TFPI: variants seen among roughly 807,000 people sequenced by gnomAD.
The protein encoded by TFPI is anti-convertin.
In TFPI, 15 loss-of-function variants were observed where a neutral mutation model predicts 34.6. The observed-to-expected ratio is 0.43, with a 90% CI of 0.29 to 0.67. The LOEUF (loss-of-function observed/expected upper bound fraction) is 0.67. Ranked by LOEUF, TFPI falls within the 30% of genes least tolerant of loss-of-function variation. The pLI, the probability that TFPI is intolerant of heterozygous loss-of-function variation, is 0.15. For synonymous variants in TFPI, 105 were observed against 120.1 expected, an observed-to-expected ratio of 0.87 and a Z score of 0.82; for missense variants, 301 against 364.0, an observed-to-expected ratio of 0.83 and a Z score of 1.41.
At chr2:187,496,751 T>A (rs1016916996) in intron 3 of TFPI, 130 bp downstream of exon 3, 94 of 832,578 alleles carry the variant, frequency 1.1e-4, no homozygotes, top group Non-Finnish European at 1.6e-4. Context: ...AGTCTAAAAA[T>A]GTGGAAATAA....
At chr2:187,536,557 A>G (rs1232121251) in intron 1 of TFPI, among the ~76,000 whole-genome samples, 1 of 152,208 alleles carries the variant, frequency 6.6e-6, no homozygotes, top group Non-Finnish European at 1.5e-5. Context: ...AAAACTCTCA[A>G]TAAACTTGGT....
intron 3 of TFPI, 68 bp from the exon 4 acceptor site, chr2:187,488,443 TAACA>T: frequency 9.5e-7 from 1 of 1,052,980 alleles, no homozygotes; most frequent in Non-Finnish European, 1.3e-6. Flanking sequence ...AATTTGAATT[TAACA>T]AACAAGAGTG....
Position 187,467,925 on chromosome 2 carries a change from G to C in TFPI, c.636C>G (p.His212Gln), listed in dbSNP as rs1026019163. The C allele has an allele frequency of 1.3e-6, 2 of 1,565,018 alleles. No homozygotes were observed. Among genetic ancestry groups the C allele is most frequent in the East Asian group, 2.3e-5 (1 of 43,748 alleles). ...CTGGAGTGAGACACCATGAGGGACC[G>C]TGAAATTCTAAAAACAATCAGGAAA... The part of the protein sequence containing the change: ...STKVPSLFEF[H>Q]GPSWCLTPAD... Residue 212 changes from histidine to glutamine, a missense_variant, in exon 7 of 8, where the codon CAC (histidine) becomes CAG (glutamine). By Grantham distance (24) the His-to-Gln change is conservative (BLOSUM62 0). Transcript: ENST00000233156.
At chr2:187,472,271 T>A (rs1692086382) in intron 6 of TFPI, among the ~76,000 whole-genome samples, 1 of 152,152 alleles carries the variant, frequency 6.6e-6, no homozygotes, top group Non-Finnish European at 1.5e-5. Context: ...ATTTTATGAG[T>A]TGACTACAGT....
intron 1 of TFPI, chr2:187,529,468 C>T (rs572654208): frequency 1.3e-5 from 2 of 152,378 alleles, no homozygotes; most frequent in South Asian, 2.1e-4. Flanking sequence ...CCTATGTCCT[C>T]ACATGGCCTT....
chr2:187,491,614 T>C (rs1685128456), intron 3 of TFPI, among the ~76,000 whole-genome samples: 1 of 152,068 alleles, frequency 6.6e-6, no homozygotes, highest in African/African-American at 2.4e-5. Flanking sequence ...TAATAGACAC[T>C]TACGTTGATT....
At chr2:187,469,157 A>G (rs1233482634) in intron 6 of TFPI, among the ~76,000 whole-genome samples, 7 of 152,084 alleles carry the variant, frequency 4.6e-5, no homozygotes. Context: ...TTAAATAAGG[A>G]CTAGAGTGTC....
intron 1 of TFPI, among the ~76,000 whole-genome samples, chr2:187,551,836 T>G (rs1477803736): frequency 6.6e-6 from 1 of 152,144 alleles, no homozygotes; most frequent in Non-Finnish European, 1.5e-5. Context: ...AATATATTTG[T>G]GTTTTAAAAA....
chr2:187,501,615 T>C lies in TFPI; in HGVS notation c.121+2033A>G, dbSNP rs866278711. ...CATAGGAAATTAGTTATTTACATTA[T>C]TCATTTACAGCTTAGGACACTGGTA... is the stretch of plus-strand genomic sequence containing the variant. On this transcript the variant is annotated intron_variant, in intron 2 of 7. Coordinates refer to ENST00000233156, the MANE Select transcript of TFPI (RefSeq NM_006287.6). 6.4e-4 allele frequency among the ~76,000 whole-genome samples: 97 copies of C among 152,136 alleles called. 1 individual carries two copies. The highest frequency in any genetic ancestry group is 3.2e-3 in the Middle Eastern group (1 of 316).
Position 187,497,048 on chromosome 2 carries a change from T to C in TFPI, c.152A>G (p.His51Arg), listed in dbSNP as rs1685530207. The change falls in exon 3 of 8, where the codon CAT becomes CGT. Residue 51 changes from histidine to arginine, a missense_variant. Transcript: ENST00000233156. ...ATCCGCCTTGAATGCACAAAATGAATGCATAAGTTTCAGTGGTGGCAACTC... is the reference window on the plus strand; with the variant it reads ...ATCCGCCTTGAATGCACAAAATGAACGCATAAGTTTCAGTGGTGGCAACTC... ...DTELPPLKLM[H>R]SFCAFKADDG... The C allele has an allele frequency of 1.2e-6, 2 of 1,612,938 alleles. No individual in the cohort carries two copies. Among genetic ancestry groups the C allele is most frequent in the Admixed American group, 1.7e-5 (1 of 59,912 alleles).
In TFPI at chr2:187,531,226, T is replaced by C. The variant is rs549520218; in HGVS notation, c.-3+22974A>G. On this transcript the variant is annotated intron_variant, in intron 1 of 7. Coordinates refer to ENST00000233156, the MANE Select transcript of TFPI (RefSeq NM_006287.6). ...AGAGGGCCAGTACTAGAGAGGCTGC[T>C]GCAGTAAACTTAGTTGTTTATATTT... 7.9e-5 allele frequency among the ~76,000 whole-genome samples: 12 copies of C among 152,316 alleles called. No individual in the cohort carries two copies. In the South Asian group the frequency reaches 2.3e-3, roughly 29 times the overall value.
intron 1 of TFPI, among the ~76,000 whole-genome samples, chr2:187,521,551 G>A (rs1350922866): frequency 3.3e-5 from 5 of 151,702 alleles, no homozygotes; most frequent in African/African-American, 9.7e-5. Flanking sequence ...TTACATCCCC[G>A]CCAACAATTT....
Position 187,465,492 on chromosome 2 carries a change from G to GAAAAAAAAAAAAAAAAAAAAAAAA in TFPI, c.*1443_*1444insTTTTTTTTTTTTTTTTTTTTTTTT, listed in dbSNP as rs199557966. On this transcript the variant is annotated 3_prime_UTR_variant, in exon 8 of 8. Transcript: ENST00000233156. ...AAAACATAACAAAACAAAACAAAAT[G>GAAAAAAAAAAAAAAAAAAAAAAAA]AAAAAAAAAAAAAAACAAGAAAAAA... 1 of 67,790 alleles carries GAAAAAAAAAAAAAAAAAAAAAAAA rather than the reference G, an allele frequency of 1.5e-5. No homozygotes were observed. Among genetic ancestry groups the GAAAAAAAAAAAAAAAAAAAAAAAA allele is most frequent in the Non-Finnish European group, 2.8e-5 (1 of 35,778 alleles). The allele number at this position is 67,790 out of a possible 1,614,324, so 4.2% of individuals were successfully genotyped here.
intron 1 of TFPI, among the ~76,000 whole-genome samples, chr2:187,535,727 C>T (rs890654975): frequency 2.0e-5 from 3 of 151,994 alleles, no homozygotes; most frequent in Non-Finnish European, 4.4e-5. Flanking sequence ...CAAGAAATAA[C>T]TAAGATCAGA....
At chr2:187,541,329 G>A (rs190862797) in intron 1 of TFPI, among the ~76,000 whole-genome samples, 19 of 152,248 alleles carry the variant, frequency 1.2e-4, no homozygotes, top group Admixed American at 1.2e-3. Context: ...AAATGATAAG[G>A]CAAGTGAGGA....
chr2:187,485,771 A>C (rs1158805039), intron 4 of TFPI, among the ~76,000 whole-genome samples: 1 of 151,748 alleles, frequency 6.6e-6, no homozygotes, highest in Non-Finnish European at 1.5e-5. Context: ...CTGTGAAAAG[A>C]AGTGAGCTAA....
intron 6 of TFPI, among the ~76,000 whole-genome samples, chr2:187,472,777 C>T (rs1241891487): frequency 2.0e-5 from 3 of 151,960 alleles, no homozygotes; most frequent in Non-Finnish European, 4.4e-5. Flanking sequence ...TTTGGGAGGC[C>T]GAGGTGAGTG....
intron 6 of TFPI, among the ~76,000 whole-genome samples, chr2:187,470,944 C>G (rs1034777991): frequency 6.6e-6 from 1 of 152,104 alleles, no homozygotes; most frequent in Non-Finnish European, 1.5e-5. Context: ...CTTACTTTGC[C>G]CTGATTTCAA....
At chr2:187,536,595 A>T (rs555929606) in intron 1 of TFPI, among the ~76,000 whole-genome samples, 4 of 152,296 alleles carry the variant, frequency 2.6e-5, no homozygotes, top group African/African-American at 7.2e-5. Context: ...CAAAATAATA[A>T]GAGCTATTTA....
Sources: gnomAD v4.1 joint callset for allele counts (sites outside exome capture counted in the v4.1 genomes callset) on GRCh38, gnomAD v4.1.1 for gene constraint, MANE v1.5 for transcripts, NCBI Gene and HGNC (gene_info 2026-07-23, HGNC 2026-07-21) for gene names.